Variants in TANC2 observed in about 807,000 individuals in gnomAD.
TANC2 encodes protein TANC2.
A neutral mutation model predicts 210.5 loss-of-function variants in TANC2; 26 were observed. The ratio of observed to expected loss-of-function variants is 0.12; its 90% CI spans 0.09 to 0.17. The LOEUF is 0.17. TANC2 is among the 10% of genes least tolerant of loss of function. The pLI is 1.00. For synonymous variants in TANC2, 931 were observed against 967.1 expected, an observed-to-expected ratio of 0.96 and a Z score of 0.69; for missense variants, 2,129 against 2,608.9, an observed-to-expected ratio of 0.82 and a Z score of 4.01.
intron 14 of TANC2, among the ~76,000 whole-genome samples, chr17:63,369,298 G>A (rs945319213): frequency 7.9e-5 from 12 of 152,082 alleles, no homozygotes; most frequent in African/African-American, 1.2e-4. Context: ...TTCACCTTTC[G>A]CTCTTTATGG....
chr17:63,160,481 T>C (rs2039989765), intron 5 of TANC2, among the ~76,000 whole-genome samples: 1 of 152,242 alleles, frequency 6.6e-6, no homozygotes, highest in South Asian at 2.1e-4. Flanking sequence ...CCTTAACAAC[T>C]ATTCCATCAT....
intron 7 of TANC2, among the ~76,000 whole-genome samples, chr17:63,219,558 A>C (rs1265705863): frequency 1.3e-5 from 2 of 152,088 alleles, no homozygotes; most frequent in Non-Finnish European, 2.9e-5. Flanking sequence ...CTACAGGCAC[A>C]TGCCACCATG....
rs774394103 is a variant in TANC2 at position 63,319,070 on chromosome 17, A to G, written c.1555A>G (p.Met519Val). The G allele has an allele frequency of 3.7e-6, 6 of 1,613,220 alleles. No homozygotes were observed. In the South Asian group the frequency reaches 4.4e-5, roughly 12 times the overall value. Residue 519 changes from methionine to valine, a missense_variant, in exon 11 of 28, where the codon ATG becomes GTG. Physicochemically the swap from Met to Val is conservative, Grantham distance 21 (BLOSUM62 1). Transcript: ENST00000689528. ...AATGCGCAGGCGGCAGGAGGAGGCT[A>G]TGCGAAGACTAGCCTCGCAGGTACA...
chr17:63,210,053 A>C (rs2041838101), intron 7 of TANC2, among the ~76,000 whole-genome samples: 1 of 152,184 alleles, frequency 6.6e-6, no homozygotes, highest in Non-Finnish European at 1.5e-5. Flanking sequence ...GGATTTTTGA[A>C]TCTATATCCA....
rs569973869 is a variant in TANC2, at chr17:63,169,902, C to T, written c.433+18522C>T. ...ATCCCAGCACTTTGGGAGGCCAAGGCGGGCAGATCACGAGGTCAGGAGATC... is the reference window on the plus strand; with the variant it reads ...ATCCCAGCACTTTGGGAGGCCAAGGTGGGCAGATCACGAGGTCAGGAGATC... On this transcript the variant is annotated intron_variant, in intron 5 of 27. Coordinates refer to ENST00000689528, the Ensembl canonical transcript of TANC2. 1.2e-3 allele frequency among the ~76,000 whole-genome samples: 186 copies of T among 151,828 alleles called. 1 individual carries two copies. The highest frequency in any genetic ancestry group is 4.3e-3 in the African/African-American group (177 of 41,392).
At chr17:63,148,907 C>T (rs1178312690) in intron 4 of TANC2, 1 of 152,124 alleles carries the variant, frequency 6.6e-6, no homozygotes, top group Non-Finnish European at 1.5e-5. Flanking sequence ...GTGATTGTCC[C>T]TGCTGTGTTT....
At chr17:62,973,749 C>T in intron 1 of TANC2, among the ~76,000 whole-genome samples, 1 of 152,112 alleles carries the variant, frequency 6.6e-6, no homozygotes, top group East Asian at 1.9e-4. Context: ...AACTATAGCC[C>T]ATAGACCAAA....
chr17:63,063,531 CGTG>C (rs1197635883), intron 2 of TANC2, among the ~76,000 whole-genome samples: 2 of 108,148 alleles, frequency 1.8e-5, no homozygotes, highest in East Asian at 4.5e-4. Context: ...GGGACAAAGA[CGTG>C]TGTGTGTGTG....
chr17:63,167,361 A>C (rs2040244055), intron 5 of TANC2, among the ~76,000 whole-genome samples: 1 of 152,222 alleles, frequency 6.6e-6, no homozygotes, highest in African/African-American at 2.4e-5. Flanking sequence ...TTCTACAAGT[A>C]TAAAATTTCA....
intron 3 of TANC2, among the ~76,000 whole-genome samples, chr17:63,078,782 T>C (rs2036660945): frequency 6.6e-6 from 1 of 152,174 alleles, no homozygotes; most frequent in South Asian, 2.1e-4. Context: ...ATTTTAAATT[T>C]GTTAAGACTT....
intron 4 of TANC2, among the ~76,000 whole-genome samples, chr17:63,100,701 A>G (rs1457515113): frequency 1.3e-5 from 2 of 152,200 alleles, no homozygotes; most frequent in African/African-American, 2.4e-5. Flanking sequence ...GTTTCTATGT[A>G]GAAGTGAGCT....
intron 1 of TANC2, among the ~76,000 whole-genome samples, chr17:62,969,504 A>G (rs2031564734): frequency 6.6e-6 from 1 of 152,250 alleles, no homozygotes; most frequent in South Asian, 2.1e-4. Context: ...TTAAGTCTGC[A>G]TATATACAAA....
chr17:63,368,624 G>C (rs375954079), intron 14 of TANC2, among the ~76,000 whole-genome samples: 1 of 152,170 alleles, frequency 6.6e-6, no homozygotes, highest in East Asian at 1.9e-4. Flanking sequence ...TTCAAGGAGG[G>C]GATGCTCACC....
intron 4 of TANC2, among the ~76,000 whole-genome samples, chr17:63,141,379 T>TAAAAAAAAAAAAAAA (rs71155970): frequency 9.1e-5 from 2 of 21,876 alleles, no homozygotes; most frequent in African/African-American, 1.5e-4. Context: ...CCGTTTCTAC[T>TAAAAAAAAAAAAAAA]AAAAAAAAAA....
intron 7 of TANC2, among the ~76,000 whole-genome samples, chr17:63,220,878 C>A (rs2042168896): frequency 1.3e-5 from 2 of 150,314 alleles, no homozygotes; most frequent in Non-Finnish European, 3.0e-5. Flanking sequence ...ACGTATACAT[C>A]AGAATATTTG....
At chr17:63,214,066 T>G (rs2041960861) in intron 7 of TANC2, among the ~76,000 whole-genome samples, 1 of 152,214 alleles carries the variant, frequency 6.6e-6, no homozygotes, top group East Asian at 1.9e-4. Flanking sequence ...CACATGTCTC[T>G]GAACCATGGA....
intron 5 of TANC2, chr17:63,155,345 C>G (rs757509639): frequency 1.3e-5 from 2 of 152,226 alleles, no homozygotes; most frequent in Middle Eastern, 6.8e-3. Flanking sequence ...TGTTACTCAT[C>G]ATCATCATCA....
At position 62,979,391 on chromosome 17, in the gene TANC2, A is replaced by G. The variant is rs559094923; in HGVS notation, c.-24+12642A>G. Among the ~76,000 whole-genome samples the G allele has an allele frequency of 9.9e-5, 15 of 152,262 alleles. No individual in the cohort carries two copies. The South Asian group carries it at 2.9e-3, about 29-fold the overall frequency. Reference sequence around the variant, plus strand: ...CATGTTAACAGTTTTGGTCTGTTATATGGGCATGTCTTTCTGGCATGCCTT... The same window carrying G: ...CATGTTAACAGTTTTGGTCTGTTATGTGGGCATGTCTTTCTGGCATGCCTT... On this transcript the variant is annotated intron_variant, in intron 1 of 27. Transcript: ENST00000689528.
chr17:62,996,506 T>G (rs922490106), intron 1 of TANC2, among the ~76,000 whole-genome samples: 2 of 152,300 alleles, frequency 1.3e-5, no homozygotes, highest in South Asian at 2.1e-4. Context: ...GTCTATAAAT[T>G]TGTTCTAACC....
Sources: gnomAD v4.1 joint callset for allele counts (sites outside exome capture counted in the v4.1 genomes callset) on GRCh38, gnomAD v4.1.1 for gene constraint, MANE v1.5 for transcripts, NCBI Gene and HGNC (gene_info 2026-07-23, HGNC 2026-07-21) for gene names.